PCDHA8: variants seen among roughly 807,000 people sequenced by gnomAD.
The protein encoded by PCDHA8 is protocadherin alpha 8.
In PCDHA8, 53 loss-of-function variants were observed where a neutral mutation model predicts 61.8. The observed-to-expected ratio is 0.86, with a 90% confidence interval of 0.69 to 1.08. PCDHA8 has a LOEUF of 1.08. Among genes scored for constraint, PCDHA8 ranks in the 50% least tolerant of loss-of-function variants. The probability of loss-of-function intolerance (pLI) is 0.00; values close to 1 mark genes in which losing one functional copy is unlikely to be tolerated. For synonymous variants in PCDHA8, 618 were observed against 556.6 expected (o/e 1.11, Z -1.55); for missense variants, 1,293 against 1,245.0 (o/e 1.04, Z -0.58).
At chr5:140,947,635 G>T (rs1170525936) in intron 1 of PCDHA8, among the ~76,000 whole-genome samples, 1 of 151,538 alleles carries the variant, frequency 6.6e-6, no homozygotes, top group Non-Finnish European at 1.5e-5. Flanking sequence ...TCATCAGATC[G>T]TATGAACATA....
intron 3 of PCDHA8, among the ~76,000 whole-genome samples, chr5:140,989,551 C>A (rs964653534): frequency 1.3e-5 from 2 of 152,178 alleles, no homozygotes; most frequent in Non-Finnish European, 2.9e-5. Context: ...AATTCCTTTA[C>A]GTTTTGTGGC....
intron 1 of PCDHA8, among the ~76,000 whole-genome samples, chr5:140,936,829 CTA>C (rs1370139349): frequency 5.9e-5 from 9 of 152,026 alleles, no homozygotes; most frequent in African/African-American, 1.7e-4. Flanking sequence ...CTTTGCATTT[CTA>C]TATAAATTGT....
At chr5:140,863,142 G>C (rs782245937) in intron 1 of PCDHA8, 1 of 609,728 alleles carries the variant, frequency 1.6e-6, no homozygotes. Flanking sequence ...TGCTGGTGCT[G>C]GTGAAGGACC....
chr5:140,850,260 G>A lies in PCDHA8; in HGVS notation c.2394+6545G>A, dbSNP rs371305325. ...GGTGCTGCGGTCGGTGGGCGCCGGC[G>A]TAGTGGTGGGGAAGGTGCGCGCAGT... On this transcript the variant is annotated intron_variant, in intron 1 of 3. Coordinates refer to ENST00000531613, the MANE Select transcript of PCDHA8 (RefSeq NM_018911.3). 17 of 1,594,256 alleles carry A rather than the reference G, an allele frequency of 1.1e-5. 2 individuals are homozygous for A. The highest frequency in any genetic ancestry group is 4.0e-5 in the African/African-American group (3 of 74,174).
chr5:140,843,757 G>A, intron 1 of PCDHA8, 42 bp downstream of exon 1: 1 of 1,504,904 alleles, frequency 6.6e-7, no homozygotes, highest in Non-Finnish European at 9.1e-7. Context: ...TCTATTTGTG[G>A]AAATTGTAGT....
At chr5:140,853,560 A>G in intron 1 of PCDHA8, 1 of 981,448 alleles carries the variant, frequency 1.0e-6, no homozygotes, top group Non-Finnish European at 1.2e-6. Flanking sequence ...ATATAGGAAA[A>G]ACTAAGTTGT....
In PCDHA8 at chr5:140,959,152, A is replaced by C. The variant is rs182353196; in HGVS notation, c.2395-19797A>C. 1.3e-4 allele frequency among the ~76,000 whole-genome samples: 20 copies of C among 152,108 alleles called. No individual in the cohort carries two copies. The East Asian group carries it at 3.9e-3, about 30-fold the overall frequency. ...CCCACTTTGGGAGGCCAAAGTGGGC[A>C]GATTGCTTGACCCCAGGAGTTCAGG... On this transcript the variant is annotated intron_variant, in intron 1 of 3. Coordinates refer to ENST00000531613, the MANE Select transcript of PCDHA8 (RefSeq NM_018911.3).
chr5:140,914,187 A>G (rs2076635858), intron 1 of PCDHA8, among the ~76,000 whole-genome samples: 1 of 152,110 alleles, frequency 6.6e-6, no homozygotes, highest in African/African-American at 2.4e-5. Flanking sequence ...TTCTCCACCT[A>G]TTATTGTATT....
chr5:140,957,698 A>T (rs1554223065), intron 1 of PCDHA8, among the ~76,000 whole-genome samples: 1 of 152,174 alleles, frequency 6.6e-6, no homozygotes. Flanking sequence ...AATGAACATT[A>T]TGTAGTTTTT....
At chr5:140,967,051 G>C in intron 1 of PCDHA8, 2 of 1,612,562 alleles carry the variant, frequency 1.2e-6, no homozygotes, top group Non-Finnish European at 1.7e-6. Context: ...TGGACCTGAC[G>C]AGTGGAGCGC....
chr5:140,870,550 G>C (rs371515299), intron 1 of PCDHA8: 2 of 1,614,066 alleles, frequency 1.2e-6, no homozygotes, highest in South Asian at 2.2e-5. Flanking sequence ...GGACGCGGAC[G>C]CGCAGGAGAA....
intron 1 of PCDHA8, among the ~76,000 whole-genome samples, chr5:140,935,338 T>C (rs2090317634): frequency 1.3e-5 from 2 of 152,364 alleles, no homozygotes; most frequent in African/African-American, 4.8e-5. Context: ...ATTTCTCCCA[T>C]ACGTCAAATC....
rs115795241 is a variant in PCDHA8, at chr5:140,931,728, G to A, written c.2395-47221G>A. 2.8e-3 allele frequency among the ~76,000 whole-genome samples: 427 copies of A among 151,850 alleles called. 1 individual carries two copies. The highest frequency in any genetic ancestry group is 4.4e-3 in the Non-Finnish European group (297 of 67,780). ...GAATAAAATAACTTCTATAAATATGGGGTATTTGTAATTCACAAAGGCATT... is the reference window on the plus strand; with the variant it reads ...GAATAAAATAACTTCTATAAATATGAGGTATTTGTAATTCACAAAGGCATT... On this transcript the variant is annotated intron_variant, in intron 1 of 3. Coordinates refer to ENST00000531613, the MANE Select transcript of PCDHA8 (RefSeq NM_018911.3).
At chr5:140,868,907 AC>A in intron 1 of PCDHA8, 2 of 869,128 alleles carry the variant, frequency 2.3e-6, no homozygotes, top group Non-Finnish European at 3.4e-6. Flanking sequence ...GTCGCTCTTT[AC>A]TTGGTGGAAA....
intron 1 of PCDHA8, chr5:140,860,925 G>A (rs2046658234): frequency 6.6e-6 from 1 of 152,286 alleles, no homozygotes; most frequent in Non-Finnish European, 1.5e-5. Context: ...TTTTAGTAGA[G>A]ACGAGGTTTC....
chr5:140,967,278 G>A (rs2096121968), intron 1 of PCDHA8: 1 of 1,613,290 alleles, frequency 6.2e-7, no homozygotes. Flanking sequence ...CACATAGAGA[G>A]TGCGCAGGAC....
intron 1 of PCDHA8, among the ~76,000 whole-genome samples, chr5:140,924,615 C>G (rs142536325): frequency 6.6e-6 from 1 of 152,150 alleles, no homozygotes; most frequent in African/African-American, 2.4e-5. Flanking sequence ...ATGCCAGGTG[C>G]GGTGGCATGG....
chr5:140,997,100 T>G (rs1286807919), intron 3 of PCDHA8, among the ~76,000 whole-genome samples: 1 of 152,170 alleles, frequency 6.6e-6, no homozygotes, highest in Non-Finnish European at 1.5e-5. Flanking sequence ...AGAGTTCTCA[T>G]GCACTCCTGC....
chr5:140,868,952 C>A, intron 1 of PCDHA8: 7 of 1,342,044 alleles, frequency 5.2e-6, no homozygotes, highest in Non-Finnish European at 7.0e-6. Context: ...CAGTGAGGCA[C>A]TCCCATACAA....
Sources: allele counts gnomAD v4.1 joint callset (sites outside exome capture counted in the v4.1 genomes callset), GRCh38; gene constraint gnomAD v4.1.1; transcripts MANE v1.5; gene names NCBI Gene and HGNC (gene_info 2026-07-23, HGNC 2026-07-21).